TGFB2: variants seen among roughly 807,000 people sequenced by gnomAD.
The protein encoded by TGFB2 is transforming growth factor beta-2 proprotein.
A neutral mutation model predicts 42.7 loss-of-function variants in TGFB2; 13 were observed. The observed-to-expected ratio is 0.30, with a 90% CI of 0.20 to 0.48. The LOEUF (loss-of-function observed/expected upper bound fraction) is 0.48. TGFB2 is among the 20% of genes least tolerant of loss of function. TGFB2 has a pLI of 0.99. For missense variants in TGFB2, 390 were observed against 517.5 expected (o/e 0.75, Z 2.39); for synonymous variants, 193 against 193.6 (o/e 1.00, Z 0.03).
At chr1:218,409,522 C>T (rs954247473) in intron 2 of TGFB2, among the ~76,000 whole-genome samples, 2 of 152,164 alleles carry the variant, frequency 1.3e-5, no homozygotes, top group Non-Finnish European at 2.9e-5. Context: ...AATAAACTCC[C>T]ATCTCTAGTC....
At chr1:218,365,322 T>C (rs1657351658) in intron 1 of TGFB2, among the ~76,000 whole-genome samples, 1 of 152,166 alleles carries the variant, frequency 6.6e-6, no homozygotes, top group African/African-American at 2.4e-5. Context: ...TTCCTTTTCA[T>C]CTTTTCCTCC....
At chr1:218,432,505 T>C (rs1659839127) in intron 2 of TGFB2, among the ~76,000 whole-genome samples, 1 of 152,190 alleles carries the variant, frequency 6.6e-6, no homozygotes, top group African/African-American at 2.4e-5. Flanking sequence ...AAGTCTACCA[T>C]TATGGCAAGT....
chr1:218,382,378 G>T (rs1352044655), intron 1 of TGFB2, among the ~76,000 whole-genome samples: 5 of 152,150 alleles, frequency 3.3e-5, no homozygotes, highest in Admixed American at 3.3e-4. Context: ...AAAAGCAAAG[G>T]TGTGAAGTGA....
In TGFB2 at chr1:218,346,741, C is replaced by T. The variant is rs1407180803; in HGVS notation, c.40C>T (p.Leu14=). 12 of 1,613,724 alleles carry T rather than the reference C, an allele frequency of 7.4e-6. No individual in the cohort carries two copies. Among genetic ancestry groups the T allele is most frequent in the Non-Finnish European group, 9.3e-6 (11 of 1,179,988 alleles). ...CVLSAFLILH[L]VTVALSLSTC... is the part of the protein sequence containing the mutation. ...GCTGAGCGCTTTTCTGATCCTGCATCTGGTCACGGTCGCGCTCAGCCTGTC... is the reference window on the plus strand; with the variant it reads ...GCTGAGCGCTTTTCTGATCCTGCATTTGGTCACGGTCGCGCTCAGCCTGTC... The change falls in exon 1 of 7, where the codon CTG becomes TTG. Residue 14 remains leucine, a synonymous_variant. Coordinates refer to ENST00000366930, the MANE Select transcript of TGFB2 (RefSeq NM_003238.6). This position sits in a 1 kb window ranked among gnomAD's most constrained non-coding sequence, Gnocchi z 4.9.
intron 1 of TGFB2, among the ~76,000 whole-genome samples, chr1:218,373,907 G>T (rs1657656175): frequency 6.6e-6 from 1 of 152,184 alleles, no homozygotes. Context: ...GTTCAAGGCA[G>T]GCAGTAGAAC....
At chr1:218,402,120 A>G (rs779646202) in intron 1 of TGFB2, among the ~76,000 whole-genome samples, 8 of 152,188 alleles carry the variant, frequency 5.3e-5, no homozygotes, top group Non-Finnish European at 8.8e-5. Context: ...GAGTACAGGC[A>G]GGGAAGGCTA....
chr1:218,426,527 G>T (rs952617404), intron 2 of TGFB2, among the ~76,000 whole-genome samples: 3 of 152,172 alleles, frequency 2.0e-5, no homozygotes. Context: ...TGCTGAAGGC[G>T]ATATGTGGGT....
chr1:218,366,547 A>C (rs775226989), intron 1 of TGFB2, among the ~76,000 whole-genome samples: 1 of 152,108 alleles, frequency 6.6e-6, no homozygotes, highest in Non-Finnish European at 1.5e-5. Flanking sequence ...CTGACCTCAC[A>C]CAGTCCTCCT....
intron 1 of TGFB2, among the ~76,000 whole-genome samples, chr1:218,390,483 C>A (rs985794248): frequency 6.6e-6 from 1 of 152,128 alleles, no homozygotes; most frequent in Middle Eastern, 3.2e-3. Context: ...CTCCCAGTGT[C>A]CCGAGAGCAG....
At chr1:218,359,846 A>G (rs1657154655) in intron 1 of TGFB2, among the ~76,000 whole-genome samples, 1 of 152,134 alleles carries the variant, frequency 6.6e-6, no homozygotes, top group Non-Finnish European at 1.5e-5. Flanking sequence ...AAGACATCTA[A>G]TTTTACTTAA....
chr1:218,364,065 C>T (rs1380577451), intron 1 of TGFB2, among the ~76,000 whole-genome samples: 1 of 152,192 alleles, frequency 6.6e-6, no homozygotes, highest in Non-Finnish European at 1.5e-5. Context: ...CAAGACAATT[C>T]TTGTTTTTCC....
At chr1:218,419,308 C>T (rs914885414) in intron 2 of TGFB2, among the ~76,000 whole-genome samples, 2 of 152,208 alleles carry the variant, frequency 1.3e-5, no homozygotes, top group African/African-American at 2.4e-5. Flanking sequence ...CTTTTCCCAA[C>T]TACCCATATG....
At chr1:218,425,221 T>G (rs1404454379) in intron 2 of TGFB2, among the ~76,000 whole-genome samples, 1 of 152,144 alleles carries the variant, frequency 6.6e-6, no homozygotes, top group East Asian at 1.9e-4. Context: ...TTTTTGTTTT[T>G]TATTTAGTTG....
chr1:218,394,447 A>G (rs757361166), intron 1 of TGFB2, among the ~76,000 whole-genome samples: 1 of 152,118 alleles, frequency 6.6e-6, no homozygotes, highest in Non-Finnish European at 1.5e-5. Flanking sequence ...ACTAAACACC[A>G]TGGGCCGGCA....
Position 218,422,459 on chromosome 1 carries a change from G to A in TGFB2, c.511-11623G>A, listed in dbSNP as rs114645559. On this transcript the variant is annotated intron_variant, in intron 2 of 6. Transcript: ENST00000366930. ...TGGTCTCAAACTTCTGGGCTCAAACGATCCTTCCATCTCAGCGTCCCATAG... is the reference window on the plus strand; with the variant it reads ...TGGTCTCAAACTTCTGGGCTCAAACAATCCTTCCATCTCAGCGTCCCATAG... Among the ~76,000 whole-genome samples, 301 of 152,140 alleles carry A rather than the reference G, an allele frequency of 2.0e-3. 4 individuals carry two copies. The highest frequency in any genetic ancestry group is 7.0e-3 in the African/African-American group (292 of 41,516).
chr1:218,417,119 A>G (rs1288029236), intron 2 of TGFB2, among the ~76,000 whole-genome samples: 1 of 152,244 alleles, frequency 6.6e-6, no homozygotes, highest in African/African-American at 2.4e-5. Context: ...GAACTGGGTA[A>G]CGAGCAGAGG....
chr1:218,377,952 T>TA (rs1376964652), intron 1 of TGFB2, among the ~76,000 whole-genome samples: 1 of 149,786 alleles, frequency 6.7e-6, no homozygotes, highest in African/African-American at 2.5e-5. Flanking sequence ...TTACATATAT[T>TA]ATAGTGTGTT....
chr1:218,407,599 T>C (rs1479290307), intron 2 of TGFB2, among the ~76,000 whole-genome samples: 1 of 152,234 alleles, frequency 6.6e-6, no homozygotes, highest in African/African-American at 2.4e-5. Context: ...TTTCCAATGA[T>C]ACTCACAGCT....
chr1:218,441,460 C>T lies in TGFB2; in HGVS notation c.*98C>T, dbSNP rs770520991. The T allele has an allele frequency of 9.6e-6, 13 of 1,352,528 alleles. No individual in the cohort carries two copies. The highest frequency in any genetic ancestry group is 1.5e-5 in the African/African-American group (1 of 67,750). 83.8% of individuals were successfully genotyped at this position (1,352,528 alleles called of 1,614,324 possible). A position where few individuals can be genotyped will look rare whatever the true frequency, so the allele number is the denominator to read the frequency against. ...CTTGTAACAAGAAAACATAAGAGAG[C>T]CTTGGTTCATCAGTGTTAAAAAATT... On this transcript the variant is annotated 3_prime_UTR_variant, in exon 7 of 7. Coordinates refer to ENST00000366930, the MANE Select transcript of TGFB2 (RefSeq NM_003238.6).
Sources: allele counts gnomAD v4.1 joint callset (sites outside exome capture counted in the v4.1 genomes callset), GRCh38; gene constraint gnomAD v4.1.1; non-coding constraint Gnocchi (gnomAD v3.1); transcripts MANE v1.5; gene names NCBI Gene and HGNC (gene_info 2026-07-23, HGNC 2026-07-21).